Variants in ANO10 observed in about 807,000 individuals in gnomAD.
ANO10 encodes anoctamin 10, also known as anoctamin-10.
In ANO10, 77 loss-of-function variants were observed where a neutral mutation model predicts 74.7. The ratio of observed to expected loss-of-function variants is 1.03; its 90% CI spans 0.86 to 1.25. ANO10 has a LOEUF of 1.25. Among genes scored for constraint, ANO10 ranks in the 50% most tolerant of loss-of-function variants. ANO10 has a pLI of 0.00. For synonymous variants in ANO10, 279 were observed against 284.9 expected (o/e 0.98, Z 0.21); for missense variants, 721 against 778.1 (o/e 0.93, Z 0.87).
At chr3:43,442,590 A>C (rs2093176598) in intron 11 of ANO10, among the ~76,000 whole-genome samples, 1 of 152,236 alleles carries the variant, frequency 6.6e-6, no homozygotes, top group Non-Finnish European at 1.5e-5. Flanking sequence ...GTATTAGAAC[A>C]CTTAATATTG....
At chr3:43,406,762 G>A (rs1243403858) in intron 12 of ANO10, among the ~76,000 whole-genome samples, 1 of 152,082 alleles carries the variant, frequency 6.6e-6, no homozygotes, top group South Asian at 2.1e-4. Flanking sequence ...TTCCATTTAC[G>A]ACATTCTAAA....
chr3:43,622,659 G>A (rs1481046408), upstream of ANO10, among the ~76,000 whole-genome samples: 1 of 152,088 alleles, frequency 6.6e-6, no homozygotes, highest in African/African-American at 2.4e-5. Flanking sequence ...CTCAGAGTCT[G>A]CCCCAGCCAT....
chr3:43,521,496 C>G (rs1202031620), intron 11 of ANO10, among the ~76,000 whole-genome samples: 1 of 152,114 alleles, frequency 6.6e-6, no homozygotes, highest in Non-Finnish European at 1.5e-5. Context: ...GATCAAGATG[C>G]TCTTGAGACA....
chr3:43,646,064 T>C (rs963577798), intron 1 of ANO10, among the ~76,000 whole-genome samples: 1 of 152,142 alleles, frequency 6.6e-6, no homozygotes, highest in Admixed American at 6.5e-5. Flanking sequence ...CGCCTCAGTC[T>C]CCCAAAGTGT....
chr3:43,470,317 C>T (rs954156716), intron 11 of ANO10, among the ~76,000 whole-genome samples: 1 of 152,134 alleles, frequency 6.6e-6, no homozygotes, highest in Non-Finnish European at 1.5e-5. Flanking sequence ...CCTGTTTGGG[C>T]TATGGGGAGT....
chr3:43,502,026 T>G (rs947110932), intron 11 of ANO10, among the ~76,000 whole-genome samples: 1 of 152,164 alleles, frequency 6.6e-6, no homozygotes, highest in African/African-American at 2.4e-5. Context: ...TTGGTGAGAA[T>G]ACGGAGAAAT....
intron 11 of ANO10, among the ~76,000 whole-genome samples, chr3:43,487,641 G>A (rs1048184831): frequency 9.9e-5 from 15 of 151,980 alleles, no homozygotes; most frequent in Admixed American, 2.6e-4. Flanking sequence ...CTGTGGGATC[G>A]GTGGTGATAT....
chr3:43,445,124 A>G (rs1387449546), intron 11 of ANO10, among the ~76,000 whole-genome samples: 1 of 144,170 alleles, frequency 6.9e-6, no homozygotes, highest in Non-Finnish European at 1.5e-5. Flanking sequence ...CTTTGCCTCA[A>G]AAAAAAAAAA....
intron 1 of ANO10, among the ~76,000 whole-genome samples, chr3:43,643,705 ATG>A (rs2083696213): frequency 1.8e-5 from 2 of 112,810 alleles, no homozygotes; most frequent in Non-Finnish European, 3.3e-5. Context: ...TTTTTTTTAG[ATG>A]GAGTCTCGCT....
At chr3:43,419,300 G>A (rs2092786353) in intron 12 of ANO10, among the ~76,000 whole-genome samples, 1 of 152,150 alleles carries the variant, frequency 6.6e-6, no homozygotes, top group African/African-American at 2.4e-5. Context: ...AGTGGGAGAG[G>A]ACTCCACAAG....
intron 1 of ANO10, among the ~76,000 whole-genome samples, chr3:43,611,283 A>C (rs1242237618): frequency 3.3e-5 from 5 of 152,152 alleles, no homozygotes; most frequent in Non-Finnish European, 7.4e-5. Flanking sequence ...GGCTTCCTAA[A>C]TCAGAAGGGA....
chr3:43,550,769 T>C (rs1422053580), intron 10 of ANO10, among the ~76,000 whole-genome samples: 2 of 148,860 alleles, frequency 1.3e-5, no homozygotes, highest in African/African-American at 5.2e-5. Flanking sequence ...TTTGATTATA[T>C]TCTCATGGCT....
At chr3:43,496,669 G>A (rs1363910872) in intron 11 of ANO10, among the ~76,000 whole-genome samples, 2 of 152,028 alleles carry the variant, frequency 1.3e-5, no homozygotes, top group Non-Finnish European at 2.9e-5. Flanking sequence ...TGTTGCCCAA[G>A]CTGGTTATTC....
intron 2 of ANO10, among the ~76,000 whole-genome samples, chr3:43,603,531 T>C (rs966936163): frequency 6.6e-6 from 1 of 152,376 alleles, no homozygotes; most frequent in Non-Finnish European, 1.5e-5. Context: ...CTCTGAGTGC[T>C]GCGATGTTTA....
At chr3:43,490,282 T>C (rs2076670090) in intron 11 of ANO10, among the ~76,000 whole-genome samples, 1 of 152,178 alleles carries the variant, frequency 6.6e-6, no homozygotes, top group African/African-American at 2.4e-5. Context: ...TGTGTGTTCC[T>C]CTCCTCTCTA....
intron 11 of ANO10, among the ~76,000 whole-genome samples, chr3:43,548,781 A>C (rs920669738): frequency 1.3e-5 from 2 of 152,232 alleles, no homozygotes; most frequent in Non-Finnish European, 1.5e-5. Flanking sequence ...CAACAAAAAA[A>C]ATTCCTACAA....
At chr3:43,529,551 T>C (rs2078364702) in intron 11 of ANO10, among the ~76,000 whole-genome samples, 1 of 152,124 alleles carries the variant, frequency 6.6e-6, no homozygotes, top group African/African-American at 2.4e-5. Context: ...TTTGGCAAGA[T>C]GACTGATGGC....
intron 12 of ANO10, among the ~76,000 whole-genome samples, chr3:43,409,594 T>C (rs912558500): frequency 5.9e-5 from 9 of 152,132 alleles, no homozygotes; most frequent in African/African-American, 2.2e-4. Context: ...GCACTATTCT[T>C]ACTCCTCTGT....
chr3:43,683,238 A>G (rs963675015), intron 1 of ANO10, among the ~76,000 whole-genome samples: 3 of 152,204 alleles, frequency 2.0e-5, no homozygotes, highest in Non-Finnish European at 2.9e-5. Context: ...CAAGGTCTCA[A>G]GATATAAAAT....
Sources: allele counts gnomAD v4.1 joint callset (sites outside exome capture counted in the v4.1 genomes callset), GRCh38; gene constraint gnomAD v4.1.1; transcripts MANE v1.5; gene names NCBI Gene and HGNC (gene_info 2026-07-23, HGNC 2026-07-21).